Variants in SHC2 observed in about 807,000 individuals in gnomAD.
The protein encoded by SHC2 is SHC-transforming protein 2.
Under a neutral mutation model 60.6 loss-of-function variants are expected in SHC2, and 62 were observed. The observed-to-expected ratio is 1.02, with a 90% CI of 0.83 to 1.26. The LOEUF (loss-of-function observed/expected upper bound fraction) is 1.26, where lower values mean the gene tolerates loss of function less well. Ranked by LOEUF, SHC2 falls within the 50% of genes most tolerant of loss-of-function variation. The pLI, the probability that SHC2 is intolerant of heterozygous loss-of-function variation, is 0.00. For synonymous variants in SHC2, 375 were observed against 372.4 expected (o/e 1.01, Z -0.08); for missense variants, 873 against 822.2 (o/e 1.06, Z -0.76).
In SHC2 at chr19:445,808, T is replaced by A. The variant is rs1975038915; in HGVS notation, c.469-4876A>T. ...CAGCACTTTGGGAGGCCGAGGTGAG[T>A]GGATCACTTGAGGTCAGGAGTTTGA... On this transcript the variant is annotated intron_variant, in intron 1 of 12. Coordinates refer to ENST00000264554, the MANE Select transcript of SHC2 (RefSeq NM_012435.3). This position sits in a 1 kb window ranked among gnomAD's most constrained non-coding sequence, Gnocchi z 4.4. Among the ~76,000 whole-genome samples the A allele has an allele frequency of 6.6e-6, 1 of 151,550 alleles. No individual in the cohort carries two copies. Among genetic ancestry groups the A allele is most frequent in the African/African-American group, 2.4e-5 (1 of 41,204 alleles).
At chr19:448,871 G>A (rs568265952) in intron 1 of SHC2, among the ~76,000 whole-genome samples, 2 of 152,240 alleles carry the variant, frequency 1.3e-5, no homozygotes, top group East Asian at 1.9e-4. Flanking sequence ...GAGACAGGAC[G>A]GACGGGGCAA....
chr19:419,092 G>A (rs771944872), intron 11 of SHC2, 36 bp from the exon 12 acceptor site: 7 of 1,546,324 alleles, frequency 4.5e-6, no homozygotes, highest in East Asian at 2.4e-5. Context: ...GCTCCCGGGA[G>A]CCCGCCTGGA....
At chr19:437,344 A>C (rs567874731) in intron 4 of SHC2, among the ~76,000 whole-genome samples, 2 of 150,882 alleles carry the variant, frequency 1.3e-5, no homozygotes, top group Non-Finnish European at 2.9e-5. Flanking sequence ...GCTTGTTTGC[A>C]TGCTCATCTG....
At position 422,149 on chromosome 19, in the gene SHC2, G is replaced by A. The variant is rs368330262; in HGVS notation, c.1617C>T (p.Gly539=). 40 of 1,605,454 alleles carry A rather than the reference G, an allele frequency of 2.5e-5. No individual in the cohort carries two copies. The African/African-American group carries it at 3.3e-4, about 13-fold the overall frequency. Residue 539 remains glycine (G), a synonymous_variant, in exon 11 of 13, where the codon GGC becomes GGT. Coordinates refer to ENST00000264554, the MANE Select transcript of SHC2 (RefSeq NM_012435.3). The surrounding 1 kb of genome is among the most constrained non-coding windows in gnomAD (Gnocchi z 5.0). ...PKHLLLVDPE[G]VVRTKDVLFE... is the part of the protein sequence containing the mutation. Reference sequence around the variant, plus strand: ...CTCCCACCTGTGCACAGCTTACCACGCCCTCGGGGTCCACGAGCAGCAGGT... The same window carrying A: ...CTCCCACCTGTGCACAGCTTACCACACCCTCGGGGTCCACGAGCAGCAGGT...
chr19:430,040 C>T (rs890423241), intron 9 of SHC2, among the ~76,000 whole-genome samples: 1 of 146,694 alleles, frequency 6.8e-6, no homozygotes, highest in Non-Finnish European at 1.5e-5. Flanking sequence ...TATACCCCAA[C>T]GTGCACGGAA....
chr19:448,641 A>C (rs1490036029), intron 1 of SHC2, among the ~76,000 whole-genome samples: 1 of 152,182 alleles, frequency 6.6e-6, no homozygotes, highest in Non-Finnish European at 1.5e-5. Flanking sequence ...CACCAGTATC[A>C]GGACAAACCA....
At chr19:460,437 C>T in intron 1 of SHC2, 92 bp downstream of exon 1, 1 of 517,056 alleles carries the variant, frequency 1.9e-6, no homozygotes, top group East Asian at 5.4e-5. Flanking sequence ...GGAGGGGACA[C>T]CTGGCTCGCG....
intron 2 of SHC2, chr19:439,316 GC>G: frequency 3.9e-6 from 2 of 514,800 alleles, no homozygotes; most frequent in Non-Finnish European, 7.0e-6. Flanking sequence ...CAGAGGCCCG[GC>G]CCCCAGCTCT....
intron 8 of SHC2, 145 bp from the exon 9 acceptor site, chr19:430,892 A>C: frequency 1.4e-6 from 1 of 713,424 alleles, no homozygotes; most frequent in Non-Finnish European, 2.3e-6. Flanking sequence ...TTGCTCTCTC[A>C]CTCTGTAACT....
In SHC2 at chr19:440,053, C is replaced by G. The variant is rs979793142; in HGVS notation, c.539+809G>C. Among the ~76,000 whole-genome samples the G allele has an allele frequency of 1.5e-4, 21 of 144,156 alleles. No individual in the cohort carries two copies. Among genetic ancestry groups the G allele is most frequent in the African/African-American group, 5.8e-4 (21 of 36,248 alleles). The allele number at this position is 144,156 out of a possible 152,430, so 94.6% of individuals were successfully genotyped here. Reference sequence around the variant, plus strand: ...AAAAAAAAAAAAAAAAGGAGCAAGGCTCTGACCCAGGCCACAGCGCGGACA... The same window carrying G: ...AAAAAAAAAAAAAAAAGGAGCAAGGGTCTGACCCAGGCCACAGCGCGGACA... On this transcript the variant is annotated intron_variant, in intron 2 of 12. Transcript: ENST00000264554. The surrounding 1 kb of genome is among the most constrained non-coding windows in gnomAD (Gnocchi z 7.0).
Position 454,393 on chromosome 19 carries a change from C to T in SHC2, c.468+6136G>A, listed in dbSNP as rs1054340816. Among the ~76,000 whole-genome samples, 47 of 152,322 alleles carry T rather than the reference C, an allele frequency of 3.1e-4. 1 individual carries two copies. The highest frequency in any genetic ancestry group is 1.0e-3 in the African/African-American group (43 of 41,582). On this transcript the variant is annotated intron_variant, in intron 1 of 12. Transcript: ENST00000264554. ...ACCCTGTTCTGCCAAACCAGAGCCACTGCCTTTCAGCCAGGGGAGGAACTG... is the reference window on the plus strand; with the variant it reads ...ACCCTGTTCTGCCAAACCAGAGCCATTGCCTTTCAGCCAGGGGAGGAACTG...
rs2287955 is a variant in SHC2 at position 422,665 on chromosome 19, G to A, written c.1310-209C>T. ...ATGTGTAGCAACCTGGACTCCCCAG[G>A]TTGGGTTTTCTAGGCACGTACTAAG... On this transcript the variant is annotated intron_variant, in intron 10 of 12. Coordinates refer to ENST00000264554, the MANE Select transcript of SHC2 (RefSeq NM_012435.3). This position sits in a 1 kb window ranked among gnomAD's most constrained non-coding sequence, Gnocchi z 5.0. The A allele has an allele frequency of 0.029, 15,522 of 528,170 alleles. 1,080 individuals carry two copies. Among genetic ancestry groups the A allele is most frequent in the East Asian group, 0.21 (6,821 of 32,636 alleles). The allele number at this position is 528,170 out of a possible 1,614,324, so 32.7% of individuals were successfully genotyped here.
intron 7 of SHC2, 91 bp from the exon 8 acceptor site, chr19:434,956 C>G: frequency 7.2e-7 from 1 of 1,381,034 alleles, no homozygotes; most frequent in South Asian, 1.4e-5. Flanking sequence ...CAGGAAATAT[C>G]TGAGTTCGAA....
rs866140839 is a variant in SHC2, at chr19:438,785, G to A, written c.653C>T (p.Ala218Val). ...GATGTGGATGGAGATGCTCATGCCG[G>A]CAAAGCGAAGGTTGCTCTTGCCCAG... ...SVLGKSNLRF[A>V]GMSISIHIST... Residue 218 changes from alanine (A) to valine (V), a missense_variant, in exon 4 of 13, where the codon GCC (alanine) becomes GTC (valine). Physicochemically the swap from Ala to Val is moderately conservative, Grantham distance 64 (BLOSUM62 0). Coordinates refer to ENST00000264554, the MANE Select transcript of SHC2 (RefSeq NM_012435.3). The surrounding 1 kb of genome is among the most constrained non-coding windows in gnomAD (Gnocchi z 5.0). 6 of 1,575,822 alleles carry A rather than the reference G, an allele frequency of 3.8e-6. No individual in the cohort carries two copies. Among genetic ancestry groups the A allele is most frequent in the African/African-American group, 2.7e-5 (2 of 74,030 alleles).
rs547112734 is a variant in SHC2 at position 425,321 on chromosome 19, C to A, written c.1175-90G>T. The A allele has an allele frequency of 1.8e-6, 2 of 1,081,528 alleles. No homozygotes were observed. The highest frequency in any genetic ancestry group is 3.1e-5 in the East Asian group (1 of 32,136). 67.0% of individuals were successfully genotyped at this position (1,081,528 alleles called of 1,614,324 possible). On this transcript the variant is annotated intron_variant, in intron 9 of 12. Coordinates refer to ENST00000264554, the MANE Select transcript of SHC2 (RefSeq NM_012435.3). The surrounding 1 kb of genome is among the most constrained non-coding windows in gnomAD (Gnocchi z 4.1). ...GGCGGGGTCCCACGAGGAGCTCCCC[C>A]GGCCACCACCTGTGCTGCTGGCTGC...
chr19:426,265 AAG>A (rs1974412941), intron 9 of SHC2, among the ~76,000 whole-genome samples: 1 of 152,216 alleles, frequency 6.6e-6, no homozygotes, highest in African/African-American at 2.4e-5. Context: ...CCAGTCTACC[AAG>A]AGGGGCACAG....
intron 1 of SHC2, 30 bp downstream of exon 1, chr19:460,499 G>GGGCTCCC: frequency 8.9e-7 from 1 of 1,123,388 alleles, no homozygotes; most frequent in Non-Finnish European, 1.1e-6. Flanking sequence ...CGCCGCGAAC[G>GGGCTCCC]GGCTCCCGGG....
intron 11 of SHC2, among the ~76,000 whole-genome samples, chr19:421,076 G>A (rs1172570549): frequency 2.7e-5 from 4 of 148,362 alleles, no homozygotes; most frequent in African/African-American, 9.9e-5. Context: ...AGGAAGAAAA[G>A]AAGAAAGAAA....
At position 422,621 on chromosome 19, in the gene SHC2, G is replaced by A. The variant is rs1302979026; in HGVS notation, c.1310-165C>T. 10 of 619,438 alleles carry A rather than the reference G, an allele frequency of 1.6e-5. No individual in the cohort carries two copies. The highest frequency in any genetic ancestry group is 9.3e-5 in the Admixed American group (3 of 32,102). The allele number at this position is 619,438 out of a possible 1,614,324, so 38.4% of individuals were successfully genotyped here. ...TCAGACTCGCACTCTGCCCAGCCCC[G>A]TGCGTGCGGTGGGCTCACATGTGTA... is the stretch of plus-strand genomic sequence containing the variant. On this transcript the variant is annotated intron_variant, in intron 10 of 12. Transcript: ENST00000264554. This position sits in a 1 kb window ranked among gnomAD's most constrained non-coding sequence, Gnocchi z 5.0.
Sources: gnomAD v4.1 joint callset for allele counts (sites outside exome capture counted in the v4.1 genomes callset) on GRCh38, gnomAD v4.1.1 for gene constraint, Gnocchi (gnomAD v3.1) non-coding constraint, MANE v1.5 for transcripts, NCBI Gene and HGNC (gene_info 2026-07-23, HGNC 2026-07-21) for gene names.